Variants in NFIB observed in about 807,000 individuals in gnomAD.
The protein encoded by NFIB is nuclear factor 1 B-type.
A neutral mutation model predicts 61.5 loss-of-function variants in NFIB; 11 were observed. The ratio of observed to expected loss-of-function variants is 0.18; its 90% CI spans 0.11 to 0.30. The LOEUF (loss-of-function observed/expected upper bound fraction) is 0.30, where lower values mean the gene tolerates loss of function less well. NFIB is among the 10% of genes least tolerant of loss of function. The pLI, the probability that NFIB is intolerant of heterozygous loss-of-function variation, is 1.00. For synonymous variants in NFIB, 260 were observed against 216.5 expected (o/e 1.20, Z -1.76); for missense variants, 471 against 608.9 (o/e 0.77, Z 2.38).
chr9:14,492,280 A>G, the NFIB span, among the ~76,000 whole-genome samples: 4 of 151,880 alleles, frequency 2.6e-5, no homozygotes, highest in South Asian at 2.1e-4. Context: ...GGAGAATGGC[A>G]TGAACCGGGG....
At chr9:14,142,832 G>A (rs986060518) in intron 6 of NFIB, among the ~76,000 whole-genome samples, 1 of 152,110 alleles carries the variant, frequency 6.6e-6, no homozygotes, top group African/African-American at 2.4e-5. Context: ...GCAGTCAGGA[G>A]TTTAAGACCA....
At chr9:14,273,003 G>A (rs2132345235) in intron 2 of NFIB, among the ~76,000 whole-genome samples, 1 of 152,108 alleles carries the variant, frequency 6.6e-6, no homozygotes, top group Middle Eastern at 3.4e-3. Flanking sequence ...AGTCAGCCTA[G>A]ACTAAAAATG....
the NFIB span, among the ~76,000 whole-genome samples, chr9:14,490,476 A>T: frequency 2.5e-4 from 38 of 152,214 alleles, no homozygotes; most frequent in Non-Finnish European, 5.1e-4. Context: ...TGATTATGTT[A>T]AACAGCTTCT....
the NFIB span, among the ~76,000 whole-genome samples, chr9:14,485,288 G>A: frequency 1.3e-5 from 2 of 152,262 alleles, no homozygotes; most frequent in South Asian, 2.1e-4. Context: ...TAGTTCTTGG[G>A]TTGAAAGCCC....
chr9:14,448,262 T>C, the NFIB span, among the ~76,000 whole-genome samples: 1 of 152,226 alleles, frequency 6.6e-6, no homozygotes, highest in Non-Finnish European at 1.5e-5. Flanking sequence ...TGAATCTGTC[T>C]TAATGTCCTC....
At chr9:14,290,128 T>C (rs542248747) in intron 2 of NFIB, among the ~76,000 whole-genome samples, 2 of 152,146 alleles carry the variant, frequency 1.3e-5, no homozygotes, top group Admixed American at 6.6e-5. Flanking sequence ...ATCATGTCTT[T>C]GTACTCTAGG....
chr9:14,175,190 G>A (rs1218686622), intron 3 of NFIB, among the ~76,000 whole-genome samples: 3 of 7,386 alleles, frequency 4.1e-4, no homozygotes, highest in South Asian at 9.8e-3. Context: ...TTTTTTTTGA[G>A]ATGGAGTCTC....
chr9:14,335,819 A>T (rs1457040538), intron 1 of NFIB, among the ~76,000 whole-genome samples: 1 of 152,108 alleles, frequency 6.6e-6, no homozygotes, highest in East Asian at 1.9e-4. Context: ...TTATATTGAG[A>T]TCTATAATCC....
At chr9:14,520,065 C>G in the NFIB span, among the ~76,000 whole-genome samples, 1 of 152,154 alleles carries the variant, frequency 6.6e-6, no homozygotes, top group Non-Finnish European at 1.5e-5. Flanking sequence ...TAATGTTTAA[C>G]TTTCCTTCAT....
chr9:14,240,717 C>A (rs768662431), intron 2 of NFIB, among the ~76,000 whole-genome samples: 5 of 152,150 alleles, frequency 3.3e-5, no homozygotes, highest in African/African-American at 4.8e-5. Context: ...ATACCGTCTG[C>A]GTTGTACTTC....
intron 2 of NFIB, among the ~76,000 whole-genome samples, chr9:14,211,413 T>C (rs2050292979): frequency 6.6e-6 from 1 of 152,142 alleles, no homozygotes; most frequent in Admixed American, 6.5e-5. Flanking sequence ...AATACATAAA[T>C]TGGGTCTACA....
the NFIB span, among the ~76,000 whole-genome samples, chr9:14,466,190 G>C: frequency 9.3e-4 from 141 of 152,280 alleles, 1 homozygote; most frequent in Non-Finnish European, 1.5e-3. Context: ...GGCCTGTCTG[G>C]GATGGTGCAA....
intron 1 of NFIB, among the ~76,000 whole-genome samples, chr9:14,343,656 A>G (rs2060980138): frequency 1.3e-5 from 2 of 152,142 alleles, no homozygotes; most frequent in African/African-American, 4.8e-5. Context: ...AAGTGTGTAC[A>G]GTATTTTATT....
intron 2 of NFIB, among the ~76,000 whole-genome samples, chr9:14,188,164 C>T (rs909177587): frequency 6.6e-6 from 1 of 152,116 alleles, no homozygotes; most frequent in African/African-American, 2.4e-5. Flanking sequence ...AGTGTGTTTT[C>T]AATTAAGTAA....
chr9:14,135,032 G>C (rs1776346536), intron 6 of NFIB, among the ~76,000 whole-genome samples: 3 of 150,196 alleles, frequency 2.0e-5, no homozygotes, highest in Non-Finnish European at 1.5e-5. Flanking sequence ...CATAGAAATA[G>C]AACGCACCGA....
intron 2 of NFIB, among the ~76,000 whole-genome samples, chr9:14,202,914 C>T (rs527444281): frequency 3.3e-5 from 5 of 152,184 alleles, no homozygotes; most frequent in Non-Finnish European, 7.3e-5. Context: ...TTGAATGCTA[C>T]TTACATAGAA....
At chr9:14,526,567 A>G in the NFIB span, among the ~76,000 whole-genome samples, 1 of 152,300 alleles carries the variant, frequency 6.6e-6, no homozygotes, top group South Asian at 2.1e-4. Context: ...GCAACAGGGG[A>G]ATGTAATTCT....
the NFIB span, among the ~76,000 whole-genome samples, chr9:14,495,445 A>ATTTTTTT: frequency 1.7e-3 from 162 of 98,126 alleles, 7 homozygotes; most frequent in Middle Eastern, 0.014. Flanking sequence ...AGAGAAATGA[A>ATTTTTTT]CTTTTTTTTT....
At chr9:14,216,168 T>C (rs1053137254) in intron 2 of NFIB, among the ~76,000 whole-genome samples, 5 of 152,240 alleles carry the variant, frequency 3.3e-5, no homozygotes, top group African/African-American at 9.6e-5. Context: ...AGCTACCTAA[T>C]TGCCTGGTCA....
Sources: gnomAD v4.1 joint callset for allele counts (sites outside exome capture counted in the v4.1 genomes callset) on GRCh38, gnomAD v4.1.1 for gene constraint, MANE v1.5 for transcripts, NCBI Gene and HGNC (gene_info 2026-07-23, HGNC 2026-07-21) for gene names.